HIBCH: variants seen among roughly 807,000 people sequenced by gnomAD.
The protein encoded by HIBCH is 3-hydroxyisobutyryl-CoA hydrolase, mitochondrial.
A neutral mutation model predicts 58.2 loss-of-function variants in HIBCH; 50 were observed. The ratio of observed to expected loss-of-function variants is 0.86; its 90% CI spans 0.68 to 1.09. HIBCH has a LOEUF of 1.09. Among genes scored for constraint, HIBCH ranks in the 50% least tolerant of loss-of-function variants. HIBCH has a pLI of 0.00. For missense variants in HIBCH, 450 were observed against 449.7 expected (o/e 1.00, Z -0.01); for synonymous variants, 151 against 146.9 (o/e 1.03, Z -0.20).
rs1010626461 is a variant in HIBCH, at chr2:190,204,248, T to C, written c.*869A>G. ...TTTCAATTAATTTTTTTCTCCTGAC[T>C]TGAACCTTGTTTGTAAGGATAATTA... On this transcript the variant is annotated 3_prime_UTR_variant, in exon 14 of 14. Coordinates refer to ENST00000359678, the MANE Select transcript of HIBCH (RefSeq NM_014362.4). 5.3e-5 allele frequency: 8 copies of C among 152,210 alleles called. No homozygotes were observed. The highest frequency in any genetic ancestry group is 1.4e-4 in the African/African-American group (6 of 41,578). The allele number at this position is 152,210 out of a possible 1,614,324, so 9.4% of individuals were successfully genotyped here.
chr2:190,198,631 C>CAAA (rs35125102), intron 1 of HIBCH, among the ~76,000 whole-genome samples: 99 of 70,502 alleles, frequency 1.4e-3, no homozygotes, highest in African/African-American at 1.8e-3. Flanking sequence ...GACCCTGTCT[C>CAAA]AAAAAAAAAA....
chr2:190,303,923 T>A (rs1186372569), intron 2 of HIBCH, among the ~76,000 whole-genome samples: 1 of 152,144 alleles, frequency 6.6e-6, no homozygotes, highest in Non-Finnish European at 1.5e-5. Context: ...TCTGTCATAT[T>A]CTTGCCAAAA....
intron 11 of HIBCH, among the ~76,000 whole-genome samples, chr2:190,224,457 A>G (rs1283497567): frequency 6.6e-6 from 1 of 152,208 alleles, no homozygotes; most frequent in Non-Finnish European, 1.5e-5. Flanking sequence ...AAGCAAATGG[A>G]AAACAAAAAA....
intron 6 of HIBCH, among the ~76,000 whole-genome samples, chr2:190,287,310 C>G (rs929493892): frequency 7.9e-5 from 12 of 152,196 alleles, no homozygotes; most frequent in African/African-American, 2.9e-4. Context: ...GATCTGCCCA[C>G]CTTGGCCTCC....
rs138850716 is a variant in HIBCH at position 190,212,134 on chromosome 2, A to C, written c.1011+822T>G. ...GATACCATAAGATTTAATGGAGCAA[A>C]TGCATATAAAGTGCCTAGCGTAGTA... On this transcript the variant is annotated intron_variant, in intron 12 of 13. Coordinates refer to ENST00000359678, the MANE Select transcript of HIBCH (RefSeq NM_014362.4). Among the ~76,000 whole-genome samples the C allele has an allele frequency of 1.3e-3, 199 of 152,336 alleles. 3 individuals are homozygous for C. Among genetic ancestry groups the C allele is most frequent in the African/African-American group, 4.4e-3 (185 of 41,584 alleles).
chr2:190,311,470 T>C (rs1311371556), intron 1 of HIBCH, among the ~76,000 whole-genome samples: 1 of 152,132 alleles, frequency 6.6e-6, no homozygotes, highest in Non-Finnish European at 1.5e-5. Context: ...GAAAAAAGGT[T>C]TGTTAAAGAT....
chr2:190,244,642 G>A (rs903718331), intron 11 of HIBCH, among the ~76,000 whole-genome samples: 1 of 152,148 alleles, frequency 6.6e-6, no homozygotes, highest in Non-Finnish European at 1.5e-5. Flanking sequence ...AAAGTCCTCT[G>A]TTACATTCAA....
intron 6 of HIBCH, among the ~76,000 whole-genome samples, chr2:190,267,432 G>A (rs1043242631): frequency 4.6e-5 from 7 of 151,436 alleles, no homozygotes; most frequent in African/African-American, 1.7e-4. Flanking sequence ...CCTGACCTTA[G>A]GTTATTCATC....
Position 190,315,047 on chromosome 2 carries a change from A to C in HIBCH, c.36-4251T>G, listed in dbSNP as rs1056634890. ...ACTGCAGGCTCTGCCTTCCGGGTTC[A>C]CGCCATTCTCCTGCCTCAGTCTCCT... On this transcript the variant is annotated intron_variant, in intron 1 of 13. Coordinates refer to ENST00000359678, the MANE Select transcript of HIBCH (RefSeq NM_014362.4). The surrounding 1 kb of genome is among the most constrained non-coding windows in gnomAD (Gnocchi z 5.4). Among the ~76,000 whole-genome samples the C allele has an allele frequency of 1.9e-4, 28 of 151,114 alleles. No homozygotes were observed. Among genetic ancestry groups the C allele is most frequent in the African/African-American group, 6.8e-4 (28 of 41,060 alleles).
At chr2:190,261,040 T>C in intron 7 of HIBCH, 116 bp downstream of exon 7, 1 of 774,164 alleles carries the variant, frequency 1.3e-6, no homozygotes, top group South Asian at 1.6e-5. Flanking sequence ...TTAAAATCCT[T>C]TCATTGTTGC....
intron 2 of HIBCH, among the ~76,000 whole-genome samples, chr2:190,298,875 T>C (rs1378945374): frequency 6.6e-6 from 1 of 152,216 alleles, no homozygotes; most frequent in African/African-American, 2.4e-5. Context: ...TTTACTGTTT[T>C]GGGTTTTACA....
At chr2:190,247,922 A>G (rs1014468109) in intron 9 of HIBCH, among the ~76,000 whole-genome samples, 1 of 152,228 alleles carries the variant, frequency 6.6e-6, no homozygotes, top group Non-Finnish European at 1.5e-5. Flanking sequence ...AATAGACTAC[A>G]GTATAGTGTA....
intron 6 of HIBCH, among the ~76,000 whole-genome samples, chr2:190,285,479 A>G (rs1687806770): frequency 6.6e-6 from 1 of 152,182 alleles, no homozygotes; most frequent in Non-Finnish European, 1.5e-5. Context: ...AAGCAGAGGT[A>G]CAGATCACCC....
At chr2:190,231,712 G>A (rs981065686) in intron 11 of HIBCH, among the ~76,000 whole-genome samples, 1 of 151,962 alleles carries the variant, frequency 6.6e-6, no homozygotes, top group African/African-American at 2.4e-5. Flanking sequence ...AGAAATAAAG[G>A]GGGTATGAGA....
chr2:190,265,434 C>T (rs1369182471), intron 6 of HIBCH, among the ~76,000 whole-genome samples: 2 of 148,052 alleles, frequency 1.4e-5, no homozygotes, highest in Admixed American at 6.7e-5. Context: ...TGCTGTGAAA[C>T]GTCTGTTCCA....
intron 2 of HIBCH, among the ~76,000 whole-genome samples, chr2:190,305,779 T>C (rs1279827460): frequency 1.3e-5 from 2 of 152,136 alleles, no homozygotes; most frequent in African/African-American, 4.8e-5. Context: ...AAAACTTATT[T>C]CTATAAAGTC....
At chr2:190,239,400 G>A (rs1195740537) in intron 11 of HIBCH, among the ~76,000 whole-genome samples, 1 of 152,126 alleles carries the variant, frequency 6.6e-6, no homozygotes, top group Non-Finnish European at 1.5e-5. Context: ...CAGGTAGCAT[G>A]ATGCCTCCAA....
chr2:190,261,146 G>A lies in HIBCH; in HGVS notation c.517+10C>T. On this transcript the variant is annotated intron_variant, in intron 7 of 13. Transcript: ENST00000359678. ...TAAAAGTAATTATAAAAAAAATTCT[G>A]GTTGTTTACCTATTGCAGTTTCTGG... The A allele has an allele frequency of 2.5e-6, 4 of 1,601,110 alleles. No homozygotes were observed. The highest frequency in any genetic ancestry group is 3.4e-6 in the Non-Finnish European group (4 of 1,168,796).
chr2:190,200,110 T>TAC, downstream of HIBCH: 1 of 1,614,036 alleles, frequency 6.2e-7, no homozygotes, highest in Non-Finnish European at 8.5e-7. Context: ...TAACATCAAG[T>TAC]ACCATGACAT....
Sources: allele counts gnomAD v4.1 joint callset (sites outside exome capture counted in the v4.1 genomes callset), GRCh38; gene constraint gnomAD v4.1.1; non-coding constraint Gnocchi (gnomAD v3.1); transcripts MANE v1.5; gene names NCBI Gene and HGNC (gene_info 2026-07-23, HGNC 2026-07-21).